Variants in MDFI observed in about 807,000 individuals in gnomAD.
MDFI encodes inhibitor of MyoD family a.
A neutral mutation model predicts 22.3 loss-of-function variants in MDFI; 16 were observed. The ratio of observed to expected loss-of-function variants is 0.72; its 90% CI spans 0.49 to 1.09. The LOEUF is 1.09. Ranked by LOEUF, MDFI falls within the 50% of genes least tolerant of loss-of-function variation. The pLI is 0.00. For synonymous variants in MDFI, 145 were observed against 142.7 expected, an observed-to-expected ratio of 1.02 and a Z score of -0.12; for missense variants, 314 against 326.1, an observed-to-expected ratio of 0.96 and a Z score of 0.29.
At chr6:41,652,540 G>A (rs899756093) in intron 4 of MDFI, among the ~76,000 whole-genome samples, 8 of 151,898 alleles carry the variant, frequency 5.3e-5, no homozygotes, top group African/African-American at 1.9e-4. Context: ...GCAGGCTGTC[G>A]AAGGTGTCCA....
intron 2 of MDFI, among the ~76,000 whole-genome samples, chr6:41,644,365 C>G (rs904329123): frequency 2.6e-5 from 4 of 152,174 alleles, no homozygotes; most frequent in Non-Finnish European, 4.4e-5. Flanking sequence ...CCAGCCCTCC[C>G]TCCCCATTGC....
At chr6:41,648,928 CT>C (rs1768156534) in intron 3 of MDFI, among the ~76,000 whole-genome samples, 1 of 152,214 alleles carries the variant, frequency 6.6e-6, no homozygotes, top group African/African-American at 2.4e-5. Context: ...GGGGTCCTGG[CT>C]TCAGGGGTCT....
chr6:41,637,786 G>A (rs944866640), upstream of MDFI, among the ~76,000 whole-genome samples: 3 of 152,158 alleles, frequency 2.0e-5, no homozygotes, highest in Non-Finnish European at 2.9e-5. The surrounding 1 kb of genome is among the most constrained non-coding windows in gnomAD (Gnocchi z 6.8). Flanking sequence ...AAGAAGGGCT[G>A]AATTCGGAGG....
Position 41,638,607 on chromosome 6 carries a change from C to T in MDFI, c.-57C>T. 2.0e-6 allele frequency: 2 copies of T among 1,012,378 alleles called. No homozygotes were observed. The highest frequency in any genetic ancestry group is 3.4e-5 in the South Asian group (2 of 58,240). The allele number at this position is 1,012,378 out of a possible 1,614,324, so 62.7% of individuals were successfully genotyped here. On this transcript the variant is annotated 5_prime_UTR_variant, in exon 1 of 5. Transcript: ENST00000230321. The surrounding 1 kb of genome is among the most constrained non-coding windows in gnomAD (Gnocchi z 7.6). ...CCGGAGCAGGCGCGCATGGCGGGCC[C>T]CGCGCGGGGATCCGGCTGGAAGAGA...
upstream of MDFI, chr6:41,637,413 CA>C (rs1767679908): frequency 6.6e-6 from 1 of 152,190 alleles, no homozygotes; most frequent in African/African-American, 2.4e-5. The surrounding 1 kb of genome is among the most constrained non-coding windows in gnomAD (Gnocchi z 6.8). Flanking sequence ...CGCTGCCTTC[CA>C]GTGTGCTCAC....
At chr6:41,644,758 C>A (rs1767984576) in intron 2 of MDFI, among the ~76,000 whole-genome samples, 1 of 151,898 alleles carries the variant, frequency 6.6e-6, no homozygotes, top group East Asian at 1.9e-4. Flanking sequence ...TGTGTCAACC[C>A]CTCACTATTC....
At position 41,638,865 on chromosome 6, in the gene MDFI, G is replaced by T. The variant is rs553945701; in HGVS notation, c.76+40G>T. ...GGCGAGCGAAGCTGGACAGGGGCGG[G>T]TGGGCGGCTGAAGGGGCCAGTTATT... On this transcript the variant is annotated intron_variant, in intron 2 of 4. Coordinates refer to ENST00000230321, the MANE Select transcript of MDFI (RefSeq NM_005586.4). This position sits in a 1 kb window ranked among gnomAD's most constrained non-coding sequence, Gnocchi z 7.6. 8.5e-6 allele frequency: 13 copies of T among 1,520,510 alleles called. No individual in the cohort carries two copies. The South Asian group carries it at 1.4e-4, about 17-fold the overall frequency. The allele number at this position is 1,520,510 out of a possible 1,614,324, so 94.2% of individuals were successfully genotyped here. A position where few individuals can be genotyped will look rare whatever the true frequency, so the allele number is the denominator to read the frequency against.
rs1768377948 is a variant in MDFI, at chr6:41,653,790, G to A, written c.*215G>A. On this transcript the variant is annotated 3_prime_UTR_variant, in exon 5 of 5. Transcript: ENST00000230321. This position sits in a 1 kb window ranked among gnomAD's most constrained non-coding sequence, Gnocchi z 4.2. The stretch of plus-strand genomic sequence containing the variant: ...CTCAGCCGTGGGTGGTGGGCCCATG[G>A]CAGAGAAGCCTGAACTCTTTACTGG... 3.2e-6 allele frequency: 2 copies of A among 624,450 alleles called. No individual in the cohort carries two copies. Among genetic ancestry groups the A allele is most frequent in the South Asian group, 3.9e-5 (2 of 50,876 alleles). The allele number at this position is 624,450 out of a possible 1,614,324, so 38.7% of individuals were successfully genotyped here.
chr6:41,638,188 A>T (rs1302416138), upstream of MDFI: 1 of 154,276 alleles, frequency 6.5e-6, no homozygotes, highest in Non-Finnish European at 1.4e-5. The surrounding 1 kb of genome is among the most constrained non-coding windows in gnomAD (Gnocchi z 7.6). Context: ...CAGCCCGCGG[A>T]TCTCCGGGCC....
rs1391765232 is a variant in MDFI at position 41,639,177 on chromosome 6, T to C, written c.76+352T>C. 1.4e-5 allele frequency: 13 copies of C among 941,090 alleles called. No homozygotes were observed. The African/African-American group carries it at 2.1e-4, about 15-fold the overall frequency. The allele number at this position is 941,090 out of a possible 1,614,324, so 58.3% of individuals were successfully genotyped here. A position where few individuals can be genotyped will look rare whatever the true frequency, so the allele number is the denominator to read the frequency against. ...CTGTTTCTGCCCAGTGTGTAAATAT[T>C]TGTGGGGGCCTGGTGTGGGGGAGGG... is the stretch of plus-strand genomic sequence containing the variant. On this transcript the variant is annotated intron_variant, in intron 2 of 4. Transcript: ENST00000230321.
In MDFI at chr6:41,638,522, T is replaced by G; in HGVS notation, c.-142T>G. The G allele has an allele frequency of 7.6e-6, 4 of 525,526 alleles. No homozygotes were observed. Among genetic ancestry groups the G allele is most frequent in the Non-Finnish European group, 1.3e-5 (4 of 301,502 alleles). 32.6% of individuals were successfully genotyped at this position (525,526 alleles called of 1,614,324 possible). A position where few individuals can be genotyped will look rare whatever the true frequency, so the allele number is the denominator to read the frequency against. ...CGCCGAAATGGGAGAAAGCAGCGAG[T>G]GAGAGGGGAAGGGGCGCCAGGCGAG... On this transcript the variant is annotated 5_prime_UTR_variant, in exon 1 of 5. The change abolishes the stop of an existing upstream ORF in the 5' untranslated region. Transcript: ENST00000230321. The surrounding 1 kb of genome is among the most constrained non-coding windows in gnomAD (Gnocchi z 7.6).
intron 4 of MDFI, 53 bp downstream of exon 4, chr6:41,649,896 C>A: frequency 6.6e-7 from 1 of 1,510,854 alleles, no homozygotes; most frequent in Non-Finnish European, 9.1e-7. Context: ...CCGGGTTCCT[C>A]GAAGCATGAC....
At chr6:41,640,644 C>A (rs1011967660) in intron 2 of MDFI, among the ~76,000 whole-genome samples, 1 of 152,244 alleles carries the variant, frequency 6.6e-6, no homozygotes, top group African/African-American at 2.4e-5. Flanking sequence ...TGAGTGCTGA[C>A]AGAACAGCAA....
chr6:41,653,736 T>G lies in MDFI; in HGVS notation c.*161T>G. 1.1e-6 allele frequency: 1 copy of G among 918,278 alleles called. No individual in the cohort carries two copies. 56.9% of individuals were successfully genotyped at this position (918,278 alleles called of 1,614,324 possible). A position where few individuals can be genotyped will look rare whatever the true frequency, so the allele number is the denominator to read the frequency against. ...CCTCTCAGAACCCCAGCCTTGAAAA[T>G]AGTGGGGGGCACTCAGAGGGGCCAC... On this transcript the variant is annotated 3_prime_UTR_variant, in exon 5 of 5. Transcript: ENST00000230321. The surrounding 1 kb of genome is among the most constrained non-coding windows in gnomAD (Gnocchi z 4.2).
At chr6:41,649,137 A>G (rs1768164470) in intron 3 of MDFI, among the ~76,000 whole-genome samples, 1 of 152,156 alleles carries the variant, frequency 6.6e-6, no homozygotes, top group South Asian at 2.1e-4. Context: ...CTCCAAACAG[A>G]TGTTTCCAAT....
chr6:41,646,381 C>T lies in MDFI; in HGVS notation c.259+73C>T, dbSNP rs1336170516. ...ACTAGGGAACTCAACCCAAATGGGT[C>T]GGCAAAAATGGGTGCACCCGCTTGG... is the stretch of plus-strand genomic sequence containing the variant. On this transcript the variant is annotated intron_variant, in intron 3 of 4. Coordinates refer to ENST00000230321, the MANE Select transcript of MDFI (RefSeq NM_005586.4). 17 of 1,306,566 alleles carry T rather than the reference C, an allele frequency of 1.3e-5. No individual in the cohort carries two copies. In the Admixed American group the frequency reaches 1.4e-4, roughly 11 times the overall value. 80.9% of individuals were successfully genotyped at this position (1,306,566 alleles called of 1,614,324 possible). A position where few individuals can be genotyped will look rare whatever the true frequency, so the allele number is the denominator to read the frequency against.
chr6:41,651,313 G>A (rs1188428440), intron 4 of MDFI, among the ~76,000 whole-genome samples: 1 of 149,378 alleles, frequency 6.7e-6, no homozygotes, highest in Non-Finnish European at 1.5e-5. Context: ...ATAAACTCAT[G>A]CAGAGGATTA....
At position 41,649,768 on chromosome 6, in the gene MDFI, G is replaced by T; in HGVS notation, c.409G>T (p.Ala137Ser). The stretch of plus-strand genomic sequence containing the variant: ...GAAGTTGCAGACACACCCATCTCTC[G>T]CCAGCCAGGGCAGCAAGAAGAGTAA... ...HRKLQTHPSL[A>S]SQGSKKSKSS... is the part of the protein sequence containing the mutation. Residue 137 changes from alanine to serine, a missense_variant, in exon 4 of 5, where the codon GCC (alanine) becomes TCC (serine). Ala to Ser is a moderately conservative substitution (Grantham distance 99). Coordinates refer to ENST00000230321, the MANE Select transcript of MDFI (RefSeq NM_005586.4). 1 of 1,614,058 alleles carries T rather than the reference G, an allele frequency of 6.2e-7. No homozygotes were observed. The highest frequency in any genetic ancestry group is 1.1e-5 in the South Asian group (1 of 91,090).
rs12199887 is a variant in MDFI at position 41,653,200 on chromosome 6, A to G, written c.485-119A>G. 133,467 of 1,025,914 alleles carry G rather than the reference A, an allele frequency of 0.13. 10,175 individuals are homozygous for G. The highest frequency in any genetic ancestry group is 0.16 in the Middle Eastern group (702 of 4,308). The allele number at this position is 1,025,914 out of a possible 1,614,324, so 63.6% of individuals were successfully genotyped here. A position where few individuals can be genotyped will look rare whatever the true frequency, so the allele number is the denominator to read the frequency against. Reference sequence around the variant, plus strand: ...ACGGATTCGTGAGCTTCAGGCACACAGTGAACACTCAGCGTCCCTGCTGCT... The same window carrying G: ...ACGGATTCGTGAGCTTCAGGCACACGGTGAACACTCAGCGTCCCTGCTGCT... On this transcript the variant is annotated intron_variant, in intron 4 of 4. Coordinates refer to ENST00000230321, the MANE Select transcript of MDFI (RefSeq NM_005586.4). This position sits in a 1 kb window ranked among gnomAD's most constrained non-coding sequence, Gnocchi z 4.2.
Sources: allele counts gnomAD v4.1 joint callset (sites outside exome capture counted in the v4.1 genomes callset), GRCh38; gene constraint gnomAD v4.1.1; non-coding constraint Gnocchi (gnomAD v3.1); transcripts MANE v1.5; gene names NCBI Gene and HGNC (gene_info 2026-07-23, HGNC 2026-07-21).